Variants in ADCY2 observed in about 807,000 individuals in gnomAD.
The protein encoded by ADCY2 is adenylate cyclase type 2.
A neutral mutation model predicts 125.2 loss-of-function variants in ADCY2; 31 were observed. The ratio of observed to expected loss-of-function variants is 0.25; its 90% confidence interval spans 0.19 to 0.33. The LOEUF is 0.33. ADCY2 is among the 10% of genes least tolerant of loss of function. ADCY2 has a pLI of 1.00. For missense variants in ADCY2, 904 were observed against 1,418.2 expected (o/e 0.64, Z 5.82); for synonymous variants, 512 against 548.4 (o/e 0.93, Z 0.93).
intron 4 of ADCY2, among the ~76,000 whole-genome samples, chr5:7,663,877 C>T (rs575397407): frequency 2.0e-5 from 3 of 152,110 alleles, no homozygotes; most frequent in Non-Finnish European, 4.4e-5. Context: ...CTGTGCTATA[C>T]GGGAAATTTT....
intron 5 of ADCY2, chr5:7,691,354 A>G (rs1740697442): frequency 6.6e-6 from 1 of 152,276 alleles, no homozygotes; most frequent in Admixed American, 6.5e-5. Context: ...ACTGATGTGC[A>G]CCTTAGCTAA....
chr5:7,696,788 GT>G (rs1456309706), intron 6 of ADCY2, among the ~76,000 whole-genome samples: 3 of 152,244 alleles, frequency 2.0e-5, no homozygotes, highest in Non-Finnish European at 4.4e-5. Context: ...ACTCCCCAAG[GT>G]TTTTGCCTTC....
chr5:7,714,206 G>A (rs1313952154), intron 11 of ADCY2, among the ~76,000 whole-genome samples: 1 of 152,228 alleles, frequency 6.6e-6, no homozygotes, highest in Non-Finnish European at 1.5e-5. Flanking sequence ...ACAGCACGGT[G>A]CCTCTGGCCA....
rs1375660549 is a variant in ADCY2 at position 7,709,858 on chromosome 5, G to A, written c.1578+471G>A. ...TTGTTATGGTTCCATGTTTCCCTGT[G>A]ACCTCCAGCATATGAGAAAGCTCCT... On this transcript the variant is annotated intron_variant, in intron 10 of 24. Coordinates refer to ENST00000338316, the MANE Select transcript of ADCY2 (RefSeq NM_020546.3). This position sits in a 1 kb window ranked among gnomAD's most constrained non-coding sequence, Gnocchi z 4.4. Among the ~76,000 whole-genome samples the A allele has an allele frequency of 2.6e-5, 4 of 152,048 alleles. No individual in the cohort carries two copies. The East Asian group carries it at 5.8e-4, about 22-fold the overall frequency.
intron 3 of ADCY2, among the ~76,000 whole-genome samples, chr5:7,523,344 G>C (rs551121161): frequency 1.3e-5 from 2 of 148,432 alleles, no homozygotes; most frequent in Non-Finnish European, 3.0e-5. Flanking sequence ...TGGGAAAGAT[G>C]GAATCTTAAA....
chr5:7,613,777 A>G (rs148503684), intron 3 of ADCY2, among the ~76,000 whole-genome samples: 2,238 of 152,332 alleles, frequency 0.015, 49 homozygotes, highest in African/African-American at 0.051. Flanking sequence ...CCTGAGCCTC[A>G]TCTTATCTTG....
chr5:7,707,498 T>C (rs1313221356), intron 8 of ADCY2, among the ~76,000 whole-genome samples: 3 of 152,214 alleles, frequency 2.0e-5, no homozygotes, highest in Non-Finnish European at 2.9e-5. Flanking sequence ...CAGGTTTCGG[T>C]GAGTGCAGAG....
At chr5:7,602,079 CTCT>C (rs917539471) in intron 3 of ADCY2, among the ~76,000 whole-genome samples, 11 of 152,214 alleles carry the variant, frequency 7.2e-5, no homozygotes, top group South Asian at 2.1e-4. Flanking sequence ...ACTGTGTTTT[CTCT>C]TCTTAGAAGG....
At chr5:7,754,498 G>C (rs1184691777) in intron 15 of ADCY2, among the ~76,000 whole-genome samples, 1 of 151,838 alleles carries the variant, frequency 6.6e-6, no homozygotes, top group Non-Finnish European at 1.5e-5. Flanking sequence ...ACAAATATAA[G>C]AGCATTGATT....
intron 4 of ADCY2, among the ~76,000 whole-genome samples, chr5:7,652,501 C>T (rs531507696): frequency 6.6e-6 from 1 of 152,208 alleles, no homozygotes; most frequent in Non-Finnish European, 1.5e-5. Context: ...CTTTCATCTA[C>T]TCTTTAGGGT....
intron 2 of ADCY2, among the ~76,000 whole-genome samples, chr5:7,437,053 C>T (rs774322275): frequency 1.3e-5 from 2 of 152,174 alleles, no homozygotes; most frequent in Non-Finnish European, 1.5e-5. Flanking sequence ...TTTGTAGGCA[C>T]CAGCTGTGGG....
chr5:7,758,750 GA>G (rs10706153), intron 16 of ADCY2, among the ~76,000 whole-genome samples: 145,593 of 151,988 alleles, frequency 0.96, 69,930 homozygotes, highest in East Asian at 1. Context: ...CTGCTCGATG[GA>G]ATCCTGGAGG....
intron 2 of ADCY2, among the ~76,000 whole-genome samples, chr5:7,472,333 T>C (rs79663885): frequency 0.019 from 2,833 of 152,272 alleles, 89 homozygotes; most frequent in African/African-American, 0.064. Flanking sequence ...CGTCTTAAAC[T>C]CTATTTTCAT....
chr5:7,732,694 C>G (rs9313202), intron 14 of ADCY2, among the ~76,000 whole-genome samples: 148,180 of 152,276 alleles, frequency 0.97, 72,219 homozygotes, highest in Middle Eastern at 1. Context: ...AGCTTTCTTT[C>G]TGGTAAATTG....
chr5:7,446,876 C>T (rs1228573437), intron 2 of ADCY2, among the ~76,000 whole-genome samples: 1 of 152,192 alleles, frequency 6.6e-6, no homozygotes, highest in Non-Finnish European at 1.5e-5. Context: ...TCTGTGAATA[C>T]TCTTCTACAA....
intron 14 of ADCY2, among the ~76,000 whole-genome samples, chr5:7,743,307 A>G (rs1742496977): frequency 6.6e-6 from 1 of 151,998 alleles, no homozygotes. Flanking sequence ...TTAAGGCGGC[A>G]GCTGCCAGGA....
chr5:7,718,145 A>ATTTTTTTTTTTTTTTTT (rs59353850), intron 12 of ADCY2, among the ~76,000 whole-genome samples: 1 of 115,418 alleles, frequency 8.7e-6, no homozygotes, highest in Non-Finnish European at 1.7e-5. Context: ...CCTGTTTTAG[A>ATTTTTTTTTTTTTTTTT]TTTTTTTTTT....
chr5:7,670,266 T>C (rs886833181), intron 4 of ADCY2, among the ~76,000 whole-genome samples: 1 of 152,196 alleles, frequency 6.6e-6, no homozygotes, highest in Admixed American at 6.5e-5. Flanking sequence ...CTCTGCCTCT[T>C]TCTAACCAGT....
At chr5:7,684,261 G>C (rs999712035) in intron 4 of ADCY2, among the ~76,000 whole-genome samples, 1 of 152,160 alleles carries the variant, frequency 6.6e-6, no homozygotes, top group African/African-American at 2.4e-5. Flanking sequence ...GGCTTTGCAG[G>C]TGCACCAGCC....
Sources: gnomAD v4.1 joint callset for allele counts (sites outside exome capture counted in the v4.1 genomes callset) on GRCh38, gnomAD v4.1.1 for gene constraint, Gnocchi (gnomAD v3.1) non-coding constraint, MANE v1.5 for transcripts, NCBI Gene and HGNC (gene_info 2026-07-23, HGNC 2026-07-21) for gene names.